Variants in TSPAN5 observed in about 807,000 individuals in gnomAD.
TSPAN5 encodes tetraspanin-5.
In TSPAN5, 10 loss-of-function variants were observed where a neutral mutation model predicts 37.1. The ratio of observed to expected loss-of-function variants is 0.27; its 90% CI spans 0.17 to 0.46. The LOEUF is 0.46. Among genes scored for constraint, TSPAN5 ranks in the 20% least tolerant of loss-of-function variants. TSPAN5 has a pLI of 1.00. For synonymous variants in TSPAN5, 110 were observed against 118.9 expected, an observed-to-expected ratio of 0.93 and a Z score of 0.48; for missense variants, 195 against 326.6, an observed-to-expected ratio of 0.60 and a Z score of 3.11.
intron 1 of TSPAN5, among the ~76,000 whole-genome samples, chr4:98,642,621 T>C (rs1264325701): frequency 2.6e-5 from 4 of 152,108 alleles, no homozygotes; most frequent in African/African-American, 9.7e-5. Flanking sequence ...AGAGCACATA[T>C]CTACAGTCCC....
At chr4:98,482,570 C>T (rs1370709704) in intron 3 of TSPAN5, 1 of 162,030 alleles carries the variant, frequency 6.2e-6, no homozygotes, top group East Asian at 1.8e-4. Context: ...ATAGATTATT[C>T]CAATATTTTA....
intron 1 of TSPAN5, among the ~76,000 whole-genome samples, chr4:98,590,831 A>G (rs940810690): frequency 9.9e-5 from 15 of 152,220 alleles, no homozygotes; most frequent in Admixed American, 1.3e-4. Context: ...TCAGCTCACT[A>G]AGACCCCACA....
intron 1 of TSPAN5, among the ~76,000 whole-genome samples, chr4:98,625,323 G>A (rs768132670): frequency 6.6e-6 from 1 of 152,068 alleles, no homozygotes; most frequent in African/African-American, 2.4e-5. Flanking sequence ...ATTATTTCCC[G>A]CTTATAAGGA....
intron 1 of TSPAN5, among the ~76,000 whole-genome samples, chr4:98,551,973 T>A (rs1754628737): frequency 6.6e-6 from 1 of 152,198 alleles, no homozygotes; most frequent in Admixed American, 6.5e-5. Context: ...TTCTTCCAGC[T>A]TTTCTAGTTT....
At chr4:98,598,952 C>T (rs1755821285) in intron 1 of TSPAN5, among the ~76,000 whole-genome samples, 1 of 152,032 alleles carries the variant, frequency 6.6e-6, no homozygotes, top group Non-Finnish European at 1.5e-5. Flanking sequence ...AATAAAAGGA[C>T]AAAGTTTGCC....
In TSPAN5 at chr4:98,658,248, T is replaced by C. The variant is rs1757334136; in HGVS notation, c.-22A>G. On this transcript the variant is annotated 5_prime_UTR_variant, in exon 1 of 8. Coordinates refer to ENST00000305798, the MANE Select transcript of TSPAN5 (RefSeq NM_005723.4). ...ACATCCTCTGGGTTCATGAAGACAC[T>C]TGCCCCGGCAGCCCGAGTTTGGAGC... 1.9e-6 allele frequency: 3 copies of C among 1,607,056 alleles called. No individual in the cohort carries two copies. Among genetic ancestry groups the C allele is most frequent in the Middle Eastern group, 1.7e-4 (1 of 6,042 alleles).
At chr4:98,583,657 C>T (rs1289146186) in intron 1 of TSPAN5, among the ~76,000 whole-genome samples, 1 of 152,202 alleles carries the variant, frequency 6.6e-6, no homozygotes, top group Non-Finnish European at 1.5e-5. Context: ...ACAGAAAGAC[C>T]GGGACTAACT....
chr4:98,510,304 C>T (rs547824563), intron 1 of TSPAN5, among the ~76,000 whole-genome samples: 10 of 152,224 alleles, frequency 6.6e-5, no homozygotes, highest in South Asian at 6.2e-4. Flanking sequence ...CCCCTTTGCT[C>T]CCATGATATA....
intron 1 of TSPAN5, among the ~76,000 whole-genome samples, chr4:98,644,257 G>GT (rs998236967): frequency 3.3e-5 from 5 of 152,090 alleles, no homozygotes; most frequent in Non-Finnish European, 7.3e-5. Context: ...AGCCACTAAT[G>GT]TAAGAGCACA....
chr4:98,658,115 T>G (rs1427335920), intron 1 of TSPAN5, 31 bp downstream of exon 1: 8 of 1,575,494 alleles, frequency 5.1e-6, no homozygotes, highest in Non-Finnish European at 6.1e-6. Context: ...TCGGCCACAA[T>G]AGTTGGAATC....
Position 98,559,117 on chromosome 4 carries a change from A to G in TSPAN5, c.82-51389T>C, listed in dbSNP as rs77915182. On this transcript the variant is annotated intron_variant, in intron 1 of 7. Transcript: ENST00000305798. ...ATGCAGTAAAACACCGTGGGAAACA[A>G]GCCTTTCAAGAATTCAAACAGTATT... Among the ~76,000 whole-genome samples the G allele has an allele frequency of 5.4e-3, 742 of 138,494 alleles. 49 individuals are homozygous for G. The East Asian group carries it at 0.14, about 27-fold the overall frequency. The allele number at this position is 138,494 out of a possible 152,430, so 90.9% of individuals were successfully genotyped here.
rs145408613 is a variant in TSPAN5, at chr4:98,561,687, C to T, written c.82-53959G>A. ...AAATACATGACACATTTGAGGGACA[C>T]GGATCCCAAAGTGTTTCCATGCTTG... On this transcript the variant is annotated intron_variant, in intron 1 of 7. Transcript: ENST00000305798. 4.5e-3 allele frequency among the ~76,000 whole-genome samples: 683 copies of T among 152,278 alleles called. 4 individuals carry two copies. The highest frequency in any genetic ancestry group is 0.014 in the Middle Eastern group (4 of 292).
At chr4:98,489,322 G>A (rs1005901549) in intron 2 of TSPAN5, among the ~76,000 whole-genome samples, 25 of 152,114 alleles carry the variant, frequency 1.6e-4, no homozygotes, top group African/African-American at 5.8e-4. Context: ...CAACCAATCA[G>A]GTAGTAAATA....
intron 3 of TSPAN5, chr4:98,485,127 AAG>A: frequency 7.6e-6 from 1 of 131,060 alleles, no homozygotes; most frequent in Non-Finnish European, 1.6e-5. Flanking sequence ...AAAAAAAAAA[AAG>A]GATCCCACAT....
chr4:98,502,921 G>C (rs954478066), intron 2 of TSPAN5, among the ~76,000 whole-genome samples: 3 of 151,508 alleles, frequency 2.0e-5, no homozygotes, highest in Admixed American at 6.6e-5. Flanking sequence ...GCATCGCAGT[G>C]TCTATCCTGG....
At chr4:98,606,686 T>G (rs982057792) in intron 1 of TSPAN5, among the ~76,000 whole-genome samples, 4 of 152,206 alleles carry the variant, frequency 2.6e-5, no homozygotes, top group Non-Finnish European at 1.5e-5. Flanking sequence ...TGAACATATA[T>G]GAAAGGCAAT....
At chr4:98,575,694 A>T (rs1418213177) in intron 1 of TSPAN5, among the ~76,000 whole-genome samples, 1 of 151,914 alleles carries the variant, frequency 6.6e-6, no homozygotes, top group African/African-American at 2.4e-5. Context: ...ATATTCTAGA[A>T]ACTTTTCCTC....
chr4:98,506,044 G>A (rs1489390666), intron 2 of TSPAN5, among the ~76,000 whole-genome samples: 1 of 152,142 alleles, frequency 6.6e-6, no homozygotes, highest in East Asian at 1.9e-4. Flanking sequence ...GAAACAAAAA[G>A]ATAATTATAT....
intron 1 of TSPAN5, among the ~76,000 whole-genome samples, chr4:98,654,755 C>T (rs780070446): frequency 2.6e-5 from 4 of 152,220 alleles, no homozygotes; most frequent in Admixed American, 6.5e-5. Flanking sequence ...CACAGGACTA[C>T]ATTTGAGATT....
Sources: allele counts gnomAD v4.1 joint callset (sites outside exome capture counted in the v4.1 genomes callset), GRCh38; gene constraint gnomAD v4.1.1; transcripts MANE v1.5; gene names NCBI Gene and HGNC (gene_info 2026-07-23, HGNC 2026-07-21).